CHUK: variants seen among roughly 807,000 people sequenced by gnomAD.
CHUK encodes inhibitor of nuclear factor kappa-B kinase subunit alpha.
In CHUK, 35 loss-of-function variants were observed where a neutral mutation model predicts 104.8. The observed-to-expected ratio is 0.33, with a 90% CI of 0.26 to 0.44. The LOEUF (loss-of-function observed/expected upper bound fraction) is 0.44, where lower values mean the gene tolerates loss of function less well. CHUK is among the 20% of genes least tolerant of loss of function. CHUK has a pLI of 1.00. For synonymous variants in CHUK, 276 were observed against 291.9 expected (o/e 0.95, Z 0.56); for missense variants, 663 against 902.7 (o/e 0.73, Z 3.40).
intron 16 of CHUK, among the ~76,000 whole-genome samples, chr10:100,196,385 GTTT>G (rs34375161): frequency 2.3e-5 from 3 of 128,210 alleles, no homozygotes; most frequent in Non-Finnish European, 5.0e-5. Flanking sequence ...TCTGCTCTGG[GTTT>G]TTTTTTTTTT....
At chr10:100,222,023 G>A in intron 4 of CHUK, 89 bp downstream of exon 4, 1 of 718,486 alleles carries the variant, frequency 1.4e-6, no homozygotes. Flanking sequence ...TTTGTATAGT[G>A]TATCAACAAT....
chr10:100,215,934 C>T (rs2134239643), intron 9 of CHUK, among the ~76,000 whole-genome samples: 1 of 152,312 alleles, frequency 6.6e-6, no homozygotes, highest in Non-Finnish European at 1.5e-5. Flanking sequence ...TAACAAGCAT[C>T]CTTGAAGCTT....
At chr10:100,228,807 T>TA (rs1391925555) in intron 1 of CHUK, among the ~76,000 whole-genome samples, 1 of 152,070 alleles carries the variant, frequency 6.6e-6, no homozygotes, top group Admixed American at 6.5e-5. Flanking sequence ...TCTACTAATA[T>TA]AGCCTTTCGT....
chr10:100,190,877 T>C lies in CHUK; in HGVS notation c.2200A>G (p.Ser734Gly). 6.3e-7 allele frequency: 1 copy of C among 1,594,966 alleles called. No homozygotes were observed. The highest frequency in any genetic ancestry group is 8.6e-7 in the Non-Finnish European group (1 of 1,162,508). Residue 734 changes from serine (S) to glycine (G), a missense_variant, in exon 20 of 21, where the codon AGT becomes GGT. Transcript: ENST00000370397. ...IHEANEEQGN[S>G]MMNLDWSWLT... is the part of the protein sequence containing the mutation. ...ATCCACACAAAACTTACCATCATAC[T>C]ATTGCCCTGTTCCTCATTTGCCTCA...
At chr10:100,224,645 C>T (rs1168442770) in intron 2 of CHUK, among the ~76,000 whole-genome samples, 2 of 151,840 alleles carry the variant, frequency 1.3e-5, no homozygotes, top group Non-Finnish European at 2.9e-5. Context: ...CCATGTTGAC[C>T]GGGCTGGTCT....
chr10:100,217,661 G>T (rs968661447), intron 9 of CHUK, among the ~76,000 whole-genome samples: 1 of 152,268 alleles, frequency 6.6e-6, no homozygotes, highest in Non-Finnish European at 1.5e-5. Context: ...CAGATCACCT[G>T]AGGTCAGGAG....
In CHUK at chr10:100,217,865, A is replaced by C. The variant is rs1255688911; in HGVS notation, c.933+130T>G. 3 of 990,482 alleles carry C rather than the reference A, an allele frequency of 3.0e-6. No homozygotes were observed. In the African/African-American group the frequency reaches 4.8e-5, roughly 16 times the overall value. 61.4% of individuals were successfully genotyped at this position (990,482 alleles called of 1,614,324 possible). ...GCACTCCAGCCTAGGTGACAGAGTG[A>C]GACCCTGTCTCAAAATAAATAAATA... is the stretch of plus-strand genomic sequence containing the variant. On this transcript the variant is annotated intron_variant, in intron 9 of 20. Coordinates refer to ENST00000370397, the MANE Select transcript of CHUK (RefSeq NM_001278.5).
intron 16 of CHUK, among the ~76,000 whole-genome samples, chr10:100,197,013 T>C (rs1845348595): frequency 1.3e-5 from 2 of 152,188 alleles, no homozygotes; most frequent in South Asian, 4.1e-4. Context: ...TTTTTGGCCC[T>C]GAGCATATGT....
At chr10:100,199,765 G>A (rs143822147) in intron 16 of CHUK, among the ~76,000 whole-genome samples, 184 of 151,400 alleles carry the variant, frequency 1.2e-3, no homozygotes, top group African/African-American at 4.2e-3. Flanking sequence ...TCTACCTCAC[G>A]TTCTCTGTTA....
rs575465146 is a variant in CHUK at position 100,191,786 on chromosome 10, G to A, written c.2109-818C>T. On this transcript the variant is annotated intron_variant, in intron 19 of 20. Transcript: ENST00000370397. ...ACAGTTCCCAATCCTTGGTAGTTAA[G>A]TACCACAGGTACATTATAATTGAAA... 4.6e-5 allele frequency among the ~76,000 whole-genome samples: 7 copies of A among 152,320 alleles called. 1 individual carries two copies. Among genetic ancestry groups the A allele is most frequent in the African/African-American group, 1.7e-4 (7 of 41,574 alleles).
chr10:100,204,406 G>A (rs1845541061), intron 13 of CHUK, 100 bp downstream of exon 13: 1 of 900,504 alleles, frequency 1.1e-6, no homozygotes, highest in Non-Finnish European at 1.9e-6. Flanking sequence ...TTGTTCTAAT[G>A]TGAAGGTAAG....
chr10:100,217,698 G>A (rs960917178), intron 9 of CHUK, among the ~76,000 whole-genome samples: 4 of 152,274 alleles, frequency 2.6e-5, no homozygotes, highest in South Asian at 2.1e-4. Flanking sequence ...ACAACATAGC[G>A]AAACCCTACC....
At position 100,229,495 on chromosome 10, in the gene CHUK, C is replaced by A; in HGVS notation, c.38G>T (p.Gly13Val). Residue 13 changes from glycine to valine, a missense_variant, in exon 1 of 21, where the codon GGG becomes GTG. By Grantham distance (109) the Gly-to-Val change is moderately radical. Coordinates refer to ENST00000370397, the MANE Select transcript of CHUK (RefSeq NM_001278.5). ...RPPGLRPGAG[G>V]PWEMRERLGT... Reference sequence around the variant, plus strand: ...CAGCCGCTCCCGCATCTCCCAGGGCCCGCCCGCGCCCGGCCGCAGCCCCGG... The same window carrying A: ...CAGCCGCTCCCGCATCTCCCAGGGCACGCCCGCGCCCGGCCGCAGCCCCGG... 6.3e-7 allele frequency: 1 copy of A among 1,578,012 alleles called. No homozygotes were observed.
intron 9 of CHUK, among the ~76,000 whole-genome samples, chr10:100,210,091 A>ATTTATTTATTTTT (rs58570772): frequency 7.4e-5 from 9 of 121,798 alleles, no homozygotes; most frequent in Admixed American, 3.3e-4. Context: ...TTATTTATTT[A>ATTTATTTATTTTT]TTTTTTTTTT....
intron 9 of CHUK, among the ~76,000 whole-genome samples, chr10:100,212,843 A>G (rs2134235205): frequency 6.6e-6 from 1 of 152,100 alleles, no homozygotes; most frequent in East Asian, 1.9e-4. Context: ...TGTCTCTACT[A>G]AAAACACAAA....
intron 5 of CHUK, 26 bp downstream of exon 5, chr10:100,220,562 G>A (rs779544935): frequency 4.7e-6 from 7 of 1,482,296 alleles, no homozygotes; most frequent in Non-Finnish European, 6.6e-6. Context: ...CAATAGGCAT[G>A]AAACATTACT....
At chr10:100,226,059 T>C (rs763776923) in intron 1 of CHUK, 42 bp from the exon 2 acceptor site, 1 of 1,160,738 alleles carries the variant, frequency 8.6e-7, no homozygotes, top group South Asian at 1.2e-5. Context: ...AATTAGGTTC[T>C]TGTGAAGATT....
At chr10:100,203,429 A>C (rs1249591593) in intron 13 of CHUK, among the ~76,000 whole-genome samples, 1 of 151,638 alleles carries the variant, frequency 6.6e-6, no homozygotes, top group Admixed American at 6.6e-5. Context: ...GAAATAAAAT[A>C]TCAATAATAT....
intron 16 of CHUK, 41 bp downstream of exon 16, chr10:100,199,930 T>G: frequency 7.1e-7 from 1 of 1,405,892 alleles, no homozygotes; most frequent in Non-Finnish European, 1.0e-6. Flanking sequence ...TAGTGATAGT[T>G]ACCTAAAATG....
Sources: allele counts gnomAD v4.1 joint callset (sites outside exome capture counted in the v4.1 genomes callset), GRCh38; gene constraint gnomAD v4.1.1; transcripts MANE v1.5; gene names NCBI Gene and HGNC (gene_info 2026-07-23, HGNC 2026-07-21).